SNTG2: variants seen among roughly 807,000 people sequenced by gnomAD.
The protein encoded by SNTG2 is syntrophin gamma 2, also known as gamma-2-syntrophin.
Under a neutral mutation model 70.9 loss-of-function variants are expected in SNTG2, and 74 were observed. That is an observed-to-expected ratio of 1.04 (90% CI 0.86 to 1.27). The LOEUF is 1.27. SNTG2 is among the 50% of genes most tolerant of loss of function. SNTG2 has a pLI of 0.00. For synonymous variants in SNTG2, 278 were observed against 273.8 expected (o/e 1.02, Z -0.15); for missense variants, 717 against 690.7 (o/e 1.04, Z -0.43).
At chr2:1,026,281 A>T (rs192177386) in intron 1 of SNTG2, among the ~76,000 whole-genome samples, 1 of 152,196 alleles carries the variant, frequency 6.6e-6, no homozygotes, top group South Asian at 2.1e-4. Flanking sequence ...CAGACTCTCA[A>T]TTGGCGTTCC....
At chr2:1,339,645 T>C (rs955211812) in intron 16 of SNTG2, among the ~76,000 whole-genome samples, 11 of 152,212 alleles carry the variant, frequency 7.2e-5, no homozygotes, top group African/African-American at 2.7e-4. Flanking sequence ...GACTTGCTCA[T>C]TGTGAGGGCT....
intron 16 of SNTG2, among the ~76,000 whole-genome samples, chr2:1,322,022 C>T (rs1246081557): frequency 1.3e-5 from 2 of 151,856 alleles, no homozygotes; most frequent in African/African-American, 2.4e-5. Context: ...GCTGGATAGT[C>T]GATTCATTCC....
At chr2:1,255,790 G>T (rs9711662) in intron 12 of SNTG2, among the ~76,000 whole-genome samples, 41,814 of 94,330 alleles carry the variant, frequency 0.44, 7,344 homozygotes, top group African/African-American at 0.56. Context: ...ATGTGTGTGT[G>T]TGTATATATA....
intron 1 of SNTG2, among the ~76,000 whole-genome samples, chr2:1,022,043 A>G (rs1420058401): frequency 6.7e-6 from 1 of 150,156 alleles, no homozygotes; most frequent in African/African-American, 2.5e-5. Context: ...TTAGTACACT[A>G]GTTACACGTG....
chr2:992,846 C>T (rs538754160), intron 1 of SNTG2, among the ~76,000 whole-genome samples: 12 of 152,104 alleles, frequency 7.9e-5, no homozygotes, highest in Non-Finnish European at 1.8e-4. Flanking sequence ...GTCTGCAGTT[C>T]GGTGGTTTGT....
chr2:1,153,712 C>G (rs775823390), intron 6 of SNTG2, among the ~76,000 whole-genome samples: 5 of 152,140 alleles, frequency 3.3e-5, no homozygotes, highest in Non-Finnish European at 7.3e-5. Context: ...ACTAATTGCA[C>G]GGAGCAGTAA....
chr2:1,186,195 A>G (rs76014411), intron 8 of SNTG2, among the ~76,000 whole-genome samples: 7,591 of 152,226 alleles, frequency 0.05, 290 homozygotes, highest in East Asian at 0.21. Flanking sequence ...GACCTTTGCT[A>G]CTGTTTCTAA....
Position 978,950 on chromosome 2 carries a change from T to A in SNTG2, c.72+27882T>A, listed in dbSNP as rs142765799. On this transcript the variant is annotated intron_variant, in intron 1 of 16. Coordinates refer to ENST00000308624, the MANE Select transcript of SNTG2 (RefSeq NM_018968.4). ...ATTGCTGAATATTATGTATTCATTT[T>A]AAAAAATGAGCACTTGGTGTGTTGC... Among the ~76,000 whole-genome samples, 947 of 152,354 alleles carry A rather than the reference T, an allele frequency of 6.2e-3. 15 individuals carry two copies. The highest frequency in any genetic ancestry group is 0.022 in the African/African-American group (911 of 41,578).
chr2:985,890 G>A (rs1280819506), intron 1 of SNTG2, among the ~76,000 whole-genome samples: 1 of 152,106 alleles, frequency 6.6e-6, no homozygotes, highest in Admixed American at 6.5e-5. Flanking sequence ...TGTTATCACA[G>A]TTTCATGGAC....
At chr2:1,114,924 G>C (rs1167745849) in intron 4 of SNTG2, among the ~76,000 whole-genome samples, 2 of 151,256 alleles carry the variant, frequency 1.3e-5, no homozygotes, top group Non-Finnish European at 1.5e-5. Flanking sequence ...GGAGGGTCTT[G>C]TGTACTACGT....
At chr2:1,233,451 G>A (rs1324682625) in intron 9 of SNTG2, among the ~76,000 whole-genome samples, 2 of 152,210 alleles carry the variant, frequency 1.3e-5, no homozygotes, top group African/African-American at 4.8e-5. Context: ...TCTGCATGTG[G>A]ACAGGAAGAC....
At chr2:1,168,988 G>A (rs940729503) in intron 7 of SNTG2, among the ~76,000 whole-genome samples, 4 of 152,156 alleles carry the variant, frequency 2.6e-5, no homozygotes, top group Non-Finnish European at 5.9e-5. Flanking sequence ...GAGTTGGGAA[G>A]GGGGTGGACT....
intron 1 of SNTG2, among the ~76,000 whole-genome samples, chr2:958,825 T>G (rs1300358510): frequency 6.6e-6 from 1 of 152,214 alleles, no homozygotes; most frequent in Non-Finnish European, 1.5e-5. Flanking sequence ...GTTTAATATT[T>G]TGATGTTAGG....
intron 1 of SNTG2, among the ~76,000 whole-genome samples, chr2:962,862 G>A (rs1411982308): frequency 6.6e-6 from 1 of 152,258 alleles, no homozygotes; most frequent in East Asian, 1.9e-4. Context: ...TAAAACAGAA[G>A]ATAAGTGTCA....
intron 15 of SNTG2, among the ~76,000 whole-genome samples, chr2:1,311,459 T>C (rs1680985936): frequency 6.6e-6 from 1 of 152,228 alleles, no homozygotes; most frequent in Non-Finnish European, 1.5e-5. Context: ...AGAAAAGCTT[T>C]CCCACCTTAA....
At chr2:1,028,519 C>G (rs745802143) in intron 1 of SNTG2, among the ~76,000 whole-genome samples, 1 of 152,218 alleles carries the variant, frequency 6.6e-6, no homozygotes, top group Non-Finnish European at 1.5e-5. Flanking sequence ...GCTCATTTCC[C>G]TCTAGACGGG....
At chr2:1,134,930 G>C (rs1197020592) in intron 4 of SNTG2, among the ~76,000 whole-genome samples, 1 of 152,124 alleles carries the variant, frequency 6.6e-6, no homozygotes, top group Non-Finnish European at 1.5e-5. Flanking sequence ...AGAACTGCTG[G>C]GGGACCCAGT....
At chr2:1,219,134 T>C (rs1674586213) in intron 9 of SNTG2, among the ~76,000 whole-genome samples, 1 of 152,118 alleles carries the variant, frequency 6.6e-6, no homozygotes, top group Non-Finnish European at 1.5e-5. Flanking sequence ...TGAGTTCTCA[T>C]GAGAACCAGC....
At chr2:1,238,072 A>G in intron 10 of SNTG2, 55 bp downstream of exon 10, 1 of 1,555,360 alleles carries the variant, frequency 6.4e-7, no homozygotes, top group Non-Finnish European at 8.7e-7. Context: ...CATGAAAAAT[A>G]ATGGAGACAT....
Sources: allele counts gnomAD v4.1 joint callset (sites outside exome capture counted in the v4.1 genomes callset), GRCh38; gene constraint gnomAD v4.1.1; transcripts MANE v1.5; gene names NCBI Gene and HGNC (gene_info 2026-07-23, HGNC 2026-07-21).